Variants in DTHD1 observed in about 807,000 individuals in gnomAD.
DTHD1 encodes the protein death domain-containing protein 1.
Under a neutral mutation model 74.8 loss-of-function variants are expected in DTHD1, and 59 were observed. The ratio of observed to expected loss-of-function variants is 0.79; its 90% CI spans 0.64 to 0.98. DTHD1 has a LOEUF of 0.98. DTHD1 is among the 50% of genes least tolerant of loss of function. The pLI is 0.00. For missense variants in DTHD1, 1,051 were observed against 1,065.4 expected, an observed-to-expected ratio of 0.99 and a Z score of 0.19; for synonymous variants, 365 against 371.1, an observed-to-expected ratio of 0.98 and a Z score of 0.19.
chr4:36,285,196 G>A (rs1473796115), intron 2 of DTHD1, among the ~76,000 whole-genome samples: 5 of 152,020 alleles, frequency 3.3e-5, no homozygotes, highest in Non-Finnish European at 7.4e-5. Flanking sequence ...GAGTAGATAC[G>A]AAAGTAGTTA....
At chr4:36,333,983 A>T (rs74615253) in intron 8 of DTHD1, 66 of 152,336 alleles carry the variant, frequency 4.3e-4, no homozygotes, top group African/African-American at 1.5e-3. Context: ...ACTTAATAGA[A>T]ATCAATATTT....
chr4:36,292,486 C>A (rs979770052), intron 3 of DTHD1, among the ~76,000 whole-genome samples: 2 of 152,092 alleles, frequency 1.3e-5, no homozygotes, highest in Non-Finnish European at 2.9e-5. Context: ...TATTTAAAAA[C>A]CCTTTTGGCC....
chr4:36,286,282 G>A (rs964711745), intron 2 of DTHD1, among the ~76,000 whole-genome samples: 1 of 152,132 alleles, frequency 6.6e-6, no homozygotes, highest in East Asian at 1.9e-4. Flanking sequence ...TCAAAGCATC[G>A]GTTAATGAGT....
At chr4:36,325,029 C>T (rs1001937642) in intron 8 of DTHD1, among the ~76,000 whole-genome samples, 6 of 152,054 alleles carry the variant, frequency 3.9e-5, no homozygotes, top group African/African-American at 1.2e-4. Flanking sequence ...AAGCACAAGA[C>T]GTGTTCCGAG....
At position 36,331,729 on chromosome 4, in the gene DTHD1, G is replaced by A. The variant is rs546426991; in HGVS notation, c.2341-7383G>A. Among the ~76,000 whole-genome samples the A allele has an allele frequency of 7.9e-4, 121 of 152,210 alleles. 1 individual carries two copies. The highest frequency in any genetic ancestry group is 2.6e-3 in the African/African-American group (107 of 41,542). ...AAATAATCAAATTAATAAAAACAGC[G>A]TGTCATTTTCTGTCATTGACTGTAT... On this transcript the variant is annotated intron_variant, in intron 8 of 9. Coordinates refer to ENST00000639862, the MANE Select transcript of DTHD1 (RefSeq NM_001170700.3).
In DTHD1 at chr4:36,306,359, C is replaced by T. The variant is rs988364480; in HGVS notation, c.1805+7C>T. On this transcript the variant is annotated splice_region_variant and intron_variant, in intron 6 of 9. Coordinates refer to ENST00000639862, the MANE Select transcript of DTHD1 (RefSeq NM_001170700.3). ...TGTATGAACATTTGGAGAGGTAATA[C>T]CATCAAAAACAATCAAAGTTGATGA... 6.6e-7 allele frequency: 1 copy of T among 1,525,172 alleles called. No individual in the cohort carries two copies. The highest frequency in any genetic ancestry group is 1.4e-5 in the African/African-American group (1 of 72,284). The allele number at this position is 1,525,172 out of a possible 1,614,324, so 94.5% of individuals were successfully genotyped here. A position where few individuals can be genotyped will look rare whatever the true frequency, so the allele number is the denominator to read the frequency against.
intron 9 of DTHD1, among the ~76,000 whole-genome samples, chr4:36,341,769 T>C (rs1236182777): frequency 1.3e-5 from 2 of 152,126 alleles, no homozygotes. Flanking sequence ...AGACCATCAT[T>C]GATGTGCATA....
intron 8 of DTHD1, among the ~76,000 whole-genome samples, chr4:36,337,133 C>T (rs17460302): frequency 0.21 from 32,467 of 151,488 alleles, 4,206 homozygotes; most frequent in Non-Finnish European, 0.29. Flanking sequence ...GTGTGCAAAG[C>T]GAAAAGAGGG....
At chr4:36,303,004 T>C (rs1756860776) in intron 5 of DTHD1, among the ~76,000 whole-genome samples, 1 of 152,224 alleles carries the variant, frequency 6.6e-6, no homozygotes, top group South Asian at 2.1e-4. Context: ...GTATCATATA[T>C]TATTTTTTTC....
At chr4:36,297,226 A>G (rs1356995904) in intron 5 of DTHD1, among the ~76,000 whole-genome samples, 2 of 152,118 alleles carry the variant, frequency 1.3e-5, no homozygotes, top group African/African-American at 4.8e-5. Flanking sequence ...ACACCTACAG[A>G]ATTCAAACCT....
intron 7 of DTHD1, among the ~76,000 whole-genome samples, chr4:36,314,101 C>T (rs1397597795): frequency 7.1e-6 from 1 of 141,582 alleles, no homozygotes; most frequent in Non-Finnish European, 1.5e-5. Flanking sequence ...TCCAAGTAGC[C>T]AGGTTGCCTC....
intron 9 of DTHD1, among the ~76,000 whole-genome samples, chr4:36,342,918 C>CAAAAAAAAAAAA (rs55956868): frequency 2.9e-4 from 28 of 96,838 alleles, no homozygotes; most frequent in African/African-American, 4.3e-4. Context: ...ACTAAAAATA[C>CAAAAAAAAAAAA]AAAAAAAAAA....
At position 36,284,212 on chromosome 4, in the gene DTHD1, C is replaced by T. The variant is rs1347895911; in HGVS notation, c.508C>T (p.His170Tyr). ...TTCTCCCACAAATGGAGAGGAAAGT[C>T]ATTACACAAACCAGGTCCAGTTAGA... ...TVSPTNGEES[H>Y]YTNQVQLEKN... Residue 170 changes from histidine (H) to tyrosine (Y), a missense_variant, in exon 2 of 10, where the codon CAT becomes TAT. By Grantham distance (83) the His-to-Tyr change is moderately conservative. Coordinates refer to ENST00000639862, the MANE Select transcript of DTHD1 (RefSeq NM_001170700.3). The T allele has an allele frequency of 6.5e-7, 1 of 1,536,976 alleles. No individual in the cohort carries two copies. The highest frequency in any genetic ancestry group is 1.4e-5 in the African/African-American group (1 of 73,004).
Position 36,339,144 on chromosome 4 carries a change from C to A in DTHD1, c.2373C>A (p.Thr791=), listed in dbSNP as rs1457746481. 7.1e-6 allele frequency: 11 copies of A among 1,547,616 alleles called. No homozygotes were observed. The highest frequency in any genetic ancestry group is 8.7e-6 in the Non-Finnish European group (10 of 1,144,122). The change falls in exon 9 of 10, where the codon ACC becomes ACA. Residue 791 remains threonine (T), a synonymous_variant. Transcript: ENST00000639862. ...AATTAATCAACCGTCCACAGAGTACCAAAAGAGTTTCTAAGGATCCTGTAG... is the reference window on the plus strand; with the variant it reads ...AATTAATCAACCGTCCACAGAGTACAAAAAGAGTTTCTAAGGATCCTGTAG... ...HKKLINRPQS[T]KRVSKDPVEA...
chr4:36,283,743 T>G, intron 1 of DTHD1: 1 of 515,174 alleles, frequency 1.9e-6, no homozygotes. Flanking sequence ...GCAAGAGGGA[T>G]TAGATTTACT....
chr4:36,317,528 T>A (rs1372556314), intron 8 of DTHD1, among the ~76,000 whole-genome samples: 1 of 152,070 alleles, frequency 6.6e-6, no homozygotes, highest in Non-Finnish European at 1.5e-5. Context: ...ATATTTTGGT[T>A]ATATGAGGTT....
At position 36,284,262 on chromosome 4, in the gene DTHD1, A is replaced by G; in HGVS notation, c.558A>G (p.Ser186=). The part of the protein sequence containing the change: ...QLEKNKTHMS[S]ALVEKENNTS... The stretch of plus-strand genomic sequence containing the variant: ...AAAAAAATAAAACACATATGAGTTC[A>G]GCATTAGTGGAAAAAGAAAACAATA... The change falls in exon 2 of 10, where the codon TCA becomes TCG. Residue 186 remains serine, a synonymous_variant. Coordinates refer to ENST00000639862, the MANE Select transcript of DTHD1 (RefSeq NM_001170700.3). 6.5e-7 allele frequency: 1 copy of G among 1,537,250 alleles called. No homozygotes were observed. The highest frequency in any genetic ancestry group is 2.4e-5 in the East Asian group (1 of 40,912).
At chr4:36,328,310 G>T (rs549834975) in intron 8 of DTHD1, among the ~76,000 whole-genome samples, 37 of 152,280 alleles carry the variant, frequency 2.4e-4, no homozygotes, top group African/African-American at 7.5e-4. Context: ...ACCTCTCTAT[G>T]TGGAGGTACT....
intron 8 of DTHD1, among the ~76,000 whole-genome samples, chr4:36,334,247 A>G (rs1578492069): frequency 6.6e-6 from 1 of 152,030 alleles, no homozygotes; most frequent in African/African-American, 2.4e-5. Context: ...ATGTGGCCTT[A>G]TCTGAGACCA....
Sources: allele counts gnomAD v4.1 joint callset (sites outside exome capture counted in the v4.1 genomes callset), GRCh38; gene constraint gnomAD v4.1.1; transcripts MANE v1.5; gene names NCBI Gene and HGNC (gene_info 2026-07-23, HGNC 2026-07-21).